Variants in RAG1 observed in about 807,000 individuals in gnomAD.
The protein encoded by RAG1 is recombination activating 1, also known as V(D)J recombination-activating protein 1.
Under a neutral mutation model 62.7 loss-of-function variants are expected in RAG1, and 35 were observed. The observed-to-expected ratio is 0.56, with a 90% CI of 0.43 to 0.74. The LOEUF is 0.74. RAG1 is among the 30% of genes least tolerant of loss of function. The pLI is 0.00. For synonymous variants in RAG1, 461 were observed against 470.3 expected (o/e 0.98, Z 0.26); for missense variants, 1,169 against 1,278.6 (o/e 0.91, Z 1.31).
intron 3 of RAG1, among the ~76,000 whole-genome samples, chr11:36,562,419 A>C (rs565205882): frequency 3.3e-5 from 5 of 152,160 alleles, no homozygotes; most frequent in Non-Finnish European, 5.9e-5. Context: ...CTCAACTTCA[A>C]ATGAGAAAAT....
At chr11:36,557,628 C>T (rs1850523092) in intron 3 of RAG1, among the ~76,000 whole-genome samples, 2 of 152,172 alleles carry the variant, frequency 1.3e-5, no homozygotes, top group Non-Finnish European at 2.9e-5. Flanking sequence ...GCCATCTTGG[C>T]TCCTCCTCAA....
At chr11:36,560,446 C>T (rs1049652157) in intron 3 of RAG1, among the ~76,000 whole-genome samples, 1 of 152,068 alleles carries the variant, frequency 6.6e-6, no homozygotes, top group Non-Finnish European at 1.5e-5. Context: ...GTCTTGGATT[C>T]CTGGCTTTGT....
At chr11:36,558,507 T>G (rs954752349) in intron 3 of RAG1, among the ~76,000 whole-genome samples, 4 of 152,220 alleles carry the variant, frequency 2.6e-5, no homozygotes, top group African/African-American at 9.6e-5. Context: ...TTGATTCATT[T>G]ATCATTATAT....
At position 36,573,279 on chromosome 11, in the gene RAG1, C is replaced by T. The variant is rs967020400; in HGVS notation, c.-14-12C>T. 3.1e-6 allele frequency: 5 copies of T among 1,613,850 alleles called. No individual in the cohort carries two copies. Among genetic ancestry groups the T allele is most frequent in the African/African-American group, 1.3e-5 (1 of 75,020 alleles). ...TATTGGTCTTAATATGACTTGTTTT[C>T]ATTGTTCTCAGGTACCTCAGCCAGC... is the stretch of plus-strand genomic sequence containing the variant. On this transcript the variant is annotated splice_polypyrimidine_tract_variant and intron_variant, in intron 1 of 1. Coordinates refer to ENST00000299440, the MANE Select transcript of RAG1 (RefSeq NM_000448.3).
intron 2 of RAG1, among the ~76,000 whole-genome samples, chr11:36,525,746 G>A (rs1487147060): frequency 6.6e-6 from 1 of 151,934 alleles, no homozygotes; most frequent in Non-Finnish European, 1.5e-5. Flanking sequence ...TATTTTTAGT[G>A]GTTATCTTAT....
chr11:36,579,493 C>A lies in RAG1; in HGVS notation c.*3057C>A, dbSNP rs370179558. ...TTTTTTGTTTTGTAGAATTGCACTT[C>A]AGTTTATTTTCTTACAAATAACCTT... is the stretch of plus-strand genomic sequence containing the variant. On this transcript the variant is annotated 3_prime_UTR_variant, in exon 2 of 2. Transcript: ENST00000299440. 1.8e-4 allele frequency: 29 copies of A among 165,154 alleles called. No individual in the cohort carries two copies. The highest frequency in any genetic ancestry group is 6.6e-4 in the African/African-American group (27 of 41,138). The allele number at this position is 165,154 out of a possible 1,614,324, so 10.2% of individuals were successfully genotyped here.
chr11:36,520,845 T>C (rs1860068329), intron 2 of RAG1, among the ~76,000 whole-genome samples: 1 of 152,182 alleles, frequency 6.6e-6, no homozygotes, highest in Admixed American at 6.5e-5. Context: ...TTCATCCTAC[T>C]TCCCTTTCTC....
intron 2 of RAG1, among the ~76,000 whole-genome samples, chr11:36,533,869 A>T (rs1223852903): frequency 6.6e-6 from 1 of 152,042 alleles, no homozygotes; most frequent in Non-Finnish European, 1.5e-5. Context: ...TTACTAACAG[A>T]TGTCCTAATA....
At chr11:36,532,988 A>G (rs915366859) in intron 2 of RAG1, among the ~76,000 whole-genome samples, 1 of 152,178 alleles carries the variant, frequency 6.6e-6, no homozygotes, top group Admixed American at 6.5e-5. Context: ...AGAAGCTATT[A>G]TAGTTGCAGA....
chr11:36,512,140 AAT>A (rs1479502393), intron 1 of RAG1, among the ~76,000 whole-genome samples: 1 of 152,222 alleles, frequency 6.6e-6, no homozygotes, highest in East Asian at 1.9e-4. Flanking sequence ...GAAACTTACA[AAT>A]ACCATTTCCC....
At chr11:36,566,886 T>C (rs779787277), upstream of RAG1, among the ~76,000 whole-genome samples, 6 of 152,188 alleles carry the variant, frequency 3.9e-5, no homozygotes, top group Admixed American at 1.3e-4. Flanking sequence ...GAGCGTCGAA[T>C]GAGGGCAGCA....
upstream of RAG1, among the ~76,000 whole-genome samples, chr11:36,566,072 T>G (rs935894836): frequency 6.6e-6 from 1 of 152,160 alleles, no homozygotes; most frequent in African/African-American, 2.4e-5. Flanking sequence ...CTATGTTAAA[T>G]ATGATTTGAA....
chr11:36,536,804 G>A (rs1431566741), downstream of RAG1, among the ~76,000 whole-genome samples: 2 of 151,292 alleles, frequency 1.3e-5, no homozygotes, highest in African/African-American at 4.9e-5. Context: ...AGTTGCCCAG[G>A]CTGGAGTGCA....
At chr11:36,522,516 T>A (rs1860096315) in intron 2 of RAG1, among the ~76,000 whole-genome samples, 1 of 152,086 alleles carries the variant, frequency 6.6e-6, no homozygotes, top group African/African-American at 2.4e-5. Flanking sequence ...GCTGCAGGGG[T>A]GGGGCCCTCA....
At chr11:36,531,061 T>C (rs77262517) in intron 2 of RAG1, among the ~76,000 whole-genome samples, 2 of 260 alleles carry the variant, frequency 7.7e-3, no homozygotes, top group African/African-American at 0.01. Flanking sequence ...AGATTAAGGG[T>C]TTTTTTTTGC....
chr11:36,557,266 C>T (rs1850516012), intron 3 of RAG1, among the ~76,000 whole-genome samples: 1 of 64,302 alleles, frequency 1.6e-5, no homozygotes, highest in Non-Finnish European at 2.7e-5. Context: ...CAGCGAGATT[C>T]CGTGGGCGTA....
rs1850877384 is a variant in RAG1, at chr11:36,577,945, A to G, written c.*1509A>G. On this transcript the variant is annotated 3_prime_UTR_variant, in exon 2 of 2. Coordinates refer to ENST00000299440, the MANE Select transcript of RAG1 (RefSeq NM_000448.3). ...CTCTTTTGATAGAAGAAAGCAACAC[A>G]AAAGCTCCAAAGGGCCCCCTAACCC... 1 of 167,122 alleles carries G rather than the reference A, an allele frequency of 6.0e-6. No homozygotes were observed. 10.4% of individuals were successfully genotyped at this position (167,122 alleles called of 1,614,324 possible).
chr11:36,550,883 C>T (rs1268147164), intron 3 of RAG1, among the ~76,000 whole-genome samples: 2 of 152,142 alleles, frequency 1.3e-5, no homozygotes, highest in Non-Finnish European at 2.9e-5. Context: ...CTACTTGGGT[C>T]ATGTGACTAA....
At chr11:36,558,818 G>C (rs1015448503) in intron 3 of RAG1, among the ~76,000 whole-genome samples, 2 of 152,054 alleles carry the variant, frequency 1.3e-5, no homozygotes, top group African/African-American at 2.4e-5. Flanking sequence ...ATTGTTTTCT[G>C]GTTGTTTTGC....
Sources: gnomAD v4.1 joint callset for allele counts (sites outside exome capture counted in the v4.1 genomes callset) on GRCh38, gnomAD v4.1.1 for gene constraint, MANE v1.5 for transcripts, NCBI Gene and HGNC (gene_info 2026-07-23, HGNC 2026-07-21) for gene names.